The following SRD5A2 variants were observed in gnomAD, a reference collection of about 807,000 sequenced individuals.
SRD5A2 encodes the protein steroid 5 alpha-reductase 2, also known as 3-oxo-5-alpha-steroid 4-dehydrogenase 2.
SRD5A2 carries 30 observed loss-of-function variants against 27.4 expected under a neutral mutation model. The ratio of observed to expected loss-of-function variants is 1.10; its 90% CI spans 0.82 to 1.49. The LOEUF is 1.49. SRD5A2 is among the 40% of genes most tolerant of loss of function. SRD5A2 has a pLI of 0.00. For synonymous variants in SRD5A2, 141 were observed against 133.6 expected (o/e 1.06, Z -0.38); for missense variants, 348 against 323.4 (o/e 1.08, Z -0.58).
intron 1 of SRD5A2, among the ~76,000 whole-genome samples, chr2:31,563,718 A>G (rs1248523625): frequency 6.6e-6 from 1 of 152,160 alleles, no homozygotes; most frequent in Non-Finnish European, 1.5e-5. Flanking sequence ...TTGTGTGAGG[A>G]AAGAATCACC....
chr2:31,640,459 TCTGA>T, the SRD5A2 span, among the ~76,000 whole-genome samples: 2 of 152,220 alleles, frequency 1.3e-5, no homozygotes, highest in Non-Finnish European at 2.9e-5. Flanking sequence ...CCCCAAATTC[TCTGA>T]CTGGCTTGTT....
the SRD5A2 span, among the ~76,000 whole-genome samples, chr2:31,598,653 C>A: frequency 6.6e-6 from 1 of 150,714 alleles, no homozygotes; most frequent in Non-Finnish European, 1.5e-5. Context: ...AACCTCACAC[C>A]AAAAAACTTA....
intron 1 of SRD5A2, among the ~76,000 whole-genome samples, chr2:31,577,162 T>TAAAAAAAAAAAAAAAAAA (rs10683997): frequency 5.2e-5 from 3 of 57,174 alleles, no homozygotes; most frequent in Admixed American, 3.0e-4. Context: ...AAAAAAACAT[T>TAAAAAAAAAAAAAAAAAA]AAAAAAAAAA....
Position 31,580,697 on chromosome 2 carries a change from G to T in SRD5A2, c.204C>A (p.Leu68=), listed in dbSNP as rs774973043. The T allele has an allele frequency of 6.2e-7, 1 of 1,602,402 alleles. No homozygotes were observed. Among genetic ancestry groups the T allele is most frequent in the East Asian group, 2.2e-5 (1 of 44,804 alleles). Residue 68 remains leucine, a synonymous_variant, in exon 1 of 5, where the codon CTC becomes CTA. Coordinates refer to ENST00000622030, the MANE Select transcript of SRD5A2 (RefSeq NM_000348.4). ...LPSFAVPAGI[L]ARQPLSLFGP... is the part of the protein sequence containing the mutation. ...CGAAGAGGGAGAGGGGCTGCCGGGC[G>T]AGGATCCCCGCGGGCACCGCGAAGG...
At chr2:31,553,169 C>T (rs143706802) in intron 1 of SRD5A2, among the ~76,000 whole-genome samples, 20 of 152,138 alleles carry the variant, frequency 1.3e-4, no homozygotes, top group African/African-American at 4.8e-4. Context: ...CAGAATTGAT[C>T]AAACCTAAGA....
At chr2:31,611,836 T>C in the SRD5A2 span, among the ~76,000 whole-genome samples, 1 of 152,060 alleles carries the variant, frequency 6.6e-6, no homozygotes, top group African/African-American at 2.4e-5. Flanking sequence ...AAAGCATGTT[T>C]CCAAAAAAAG....
chr2:31,653,901 T>A, the SRD5A2 span, among the ~76,000 whole-genome samples: 1 of 152,164 alleles, frequency 6.6e-6, no homozygotes, highest in African/African-American at 2.4e-5. Context: ...TCAGGTGATC[T>A]GCCCGCCTCG....
the SRD5A2 span, among the ~76,000 whole-genome samples, chr2:31,643,655 A>C: frequency 5.7e-4 from 86 of 152,184 alleles, no homozygotes; most frequent in Non-Finnish European, 4.4e-5. Flanking sequence ...ATATATAATG[A>C]ACACAGAACA....
At chr2:31,570,405 C>G (rs1159454308) in intron 1 of SRD5A2, among the ~76,000 whole-genome samples, 4 of 152,062 alleles carry the variant, frequency 2.6e-5, no homozygotes, top group Admixed American at 2.6e-4. Flanking sequence ...AATGACAAAC[C>G]CACAGCTAAC....
intron 1 of SRD5A2, among the ~76,000 whole-genome samples, chr2:31,541,342 A>C (rs914645021): frequency 1.4e-5 from 2 of 145,224 alleles, no homozygotes; most frequent in Non-Finnish European, 3.0e-5. Context: ...CCAACTTTCA[A>C]CAAAAAAAAA....
chr2:31,572,458 AT>A, intron 1 of SRD5A2, among the ~76,000 whole-genome samples: 1 of 152,162 alleles, frequency 6.6e-6, no homozygotes, highest in Non-Finnish European at 1.5e-5. Flanking sequence ...CCTAAAAATA[AT>A]TTTTTTAAAA....
intron 1 of SRD5A2, among the ~76,000 whole-genome samples, chr2:31,550,504 C>A (rs1666362201): frequency 6.6e-6 from 1 of 151,326 alleles, no homozygotes; most frequent in South Asian, 2.1e-4. Flanking sequence ...AAACATTTAA[C>A]AAACAGAATT....
the SRD5A2 span, among the ~76,000 whole-genome samples, chr2:31,637,591 A>T: frequency 6.6e-6 from 1 of 152,034 alleles, no homozygotes; most frequent in Non-Finnish European, 1.5e-5. Flanking sequence ...TGTAAATATA[A>T]CTAGCCTTCA....
upstream of SRD5A2, among the ~76,000 whole-genome samples, chr2:31,585,390 A>AC (rs1277575206): frequency 2.0e-5 from 3 of 151,810 alleles, no homozygotes; most frequent in African/African-American, 7.3e-5. Context: ...TCTAAAAGAG[A>AC]CCCCTTCCTG....
At chr2:31,639,393 G>C in the SRD5A2 span, among the ~76,000 whole-genome samples, 3 of 152,056 alleles carry the variant, frequency 2.0e-5, no homozygotes, top group African/African-American at 7.2e-5. Flanking sequence ...AACAGTGATG[G>C]AGTATTCTGA....
the SRD5A2 span, among the ~76,000 whole-genome samples, chr2:31,661,205 C>T: frequency 6.6e-6 from 1 of 152,168 alleles, no homozygotes; most frequent in African/African-American, 2.4e-5. Flanking sequence ...TGGCCAGCTA[C>T]ATTTTTGAAC....
At chr2:31,551,117 A>C (rs1212199248) in intron 1 of SRD5A2, among the ~76,000 whole-genome samples, 1 of 152,048 alleles carries the variant, frequency 6.6e-6, no homozygotes, top group East Asian at 1.9e-4. Flanking sequence ...GATGACCCCA[A>C]AACTACCATA....
chr2:31,565,976 T>C (rs1434220571), intron 1 of SRD5A2, among the ~76,000 whole-genome samples: 2 of 152,072 alleles, frequency 1.3e-5, no homozygotes, highest in Non-Finnish European at 2.9e-5. Flanking sequence ...AGTTTTAAAT[T>C]CAGTAAGTTT....
the SRD5A2 span, among the ~76,000 whole-genome samples, chr2:31,591,586 G>A: frequency 6.6e-6 from 1 of 151,488 alleles, no homozygotes; most frequent in African/African-American, 2.4e-5. Context: ...CCCATTACTG[G>A]GTATACACCC....
Sources: gnomAD v4.1 joint callset for allele counts (sites outside exome capture counted in the v4.1 genomes callset) on GRCh38, gnomAD v4.1.1 for gene constraint, MANE v1.5 for transcripts, NCBI Gene and HGNC (gene_info 2026-07-23, HGNC 2026-07-21) for gene names.